Variants in RNFT2 observed in about 807,000 individuals in gnomAD.
RNFT2 encodes ring finger protein, transmembrane 2.
In RNFT2, 36 loss-of-function variants were observed where a neutral mutation model predicts 53.0. The observed-to-expected ratio is 0.68, with a 90% CI of 0.52 to 0.90. The LOEUF is 0.90. Among genes scored for constraint, RNFT2 ranks in the 40% least tolerant of loss-of-function variants. The pLI is 0.00. For missense variants in RNFT2, 514 were observed against 585.6 expected, an observed-to-expected ratio of 0.88 and a Z score of 1.26; for synonymous variants, 260 against 253.2, an observed-to-expected ratio of 1.03 and a Z score of -0.26.
rs1305960397 is a variant in RNFT2, at chr12:116,852,871, G to A, written c.*3423G>A. The A allele has an allele frequency of 2.1e-5, 14 of 674,392 alleles. No homozygotes were observed. The highest frequency in any genetic ancestry group is 3.3e-5 in the Non-Finnish European group (13 of 393,982). 41.8% of individuals were successfully genotyped at this position (674,392 alleles called of 1,614,324 possible). ...AGGAAACTAACAATGTAGGTTACTA[G>A]TGAATACCCCAATGGTTTCTCCAAT... On this transcript the variant is annotated 3_prime_UTR_variant, in exon 11 of 11. Coordinates refer to ENST00000257575, the MANE Select transcript of RNFT2 (RefSeq NM_001382266.1).
intron 3 of RNFT2, among the ~76,000 whole-genome samples, chr12:116,744,710 A>G (rs1871815027): frequency 6.6e-6 from 1 of 152,170 alleles, no homozygotes; most frequent in Non-Finnish European, 1.5e-5. Flanking sequence ...CCTAAGGAAT[A>G]TTCTTTCCCA....
rs571222876 is a variant in RNFT2 at position 116,741,573 on chromosome 12, C to T, written c.83+479C>T. ...TCTCTCTGGGTCTCCTTTTTAAGGG[C>T]ACTAATCCCATTCGTGAAGAGCCCA... is the stretch of plus-strand genomic sequence containing the variant. On this transcript the variant is annotated intron_variant, in intron 3 of 10. Coordinates refer to ENST00000257575, the MANE Select transcript of RNFT2 (RefSeq NM_001382266.1). Among the ~76,000 whole-genome samples, 4 of 152,260 alleles carry T rather than the reference C, an allele frequency of 2.6e-5. No homozygotes were observed. In the East Asian group the frequency reaches 7.7e-4, roughly 29 times the overall value.
intron 5 of RNFT2, among the ~76,000 whole-genome samples, chr12:116,764,631 C>G (rs917037002): frequency 1.3e-5 from 2 of 152,202 alleles, no homozygotes; most frequent in Non-Finnish European, 2.9e-5. Flanking sequence ...GTGGCTCACG[C>G]CTATAATCCC....
chr12:116,746,526 G>A, intron 3 of RNFT2, among the ~76,000 whole-genome samples: 1 of 152,194 alleles, frequency 6.6e-6, no homozygotes, highest in Admixed American at 6.5e-5. Flanking sequence ...CTCAATCCAG[G>A]GAGGGAGATT....
At chr12:116,799,436 T>C (rs1053650382) in intron 7 of RNFT2, among the ~76,000 whole-genome samples, 2 of 152,232 alleles carry the variant, frequency 1.3e-5, no homozygotes, top group African/African-American at 4.8e-5. Flanking sequence ...TGTAATATGA[T>C]CTAGATGTGA....
intron 7 of RNFT2, among the ~76,000 whole-genome samples, chr12:116,797,932 C>T (rs1177734018): frequency 2.6e-5 from 4 of 152,110 alleles, no homozygotes; most frequent in African/African-American, 9.7e-5. Context: ...TTTGCCATGG[C>T]AATGGTAAAC....
chr12:116,853,283 A>G lies in RNFT2; in HGVS notation c.*3835A>G, dbSNP rs1230478892. The G allele has an allele frequency of 2.5e-6, 1 of 398,458 alleles. No individual in the cohort carries two copies. The highest frequency in any genetic ancestry group is 4.4e-6 in the Non-Finnish European group (1 of 226,092). The allele number at this position is 398,458 out of a possible 1,614,324, so 24.7% of individuals were successfully genotyped here. ...GTAGGGTTAATCGAGTATCAGGTTC[A>G]CAGTATCCTGCCCTTATTATTTTAT... On this transcript the variant is annotated 3_prime_UTR_variant, in exon 11 of 11. Coordinates refer to ENST00000257575, the MANE Select transcript of RNFT2 (RefSeq NM_001382266.1).
intron 7 of RNFT2, among the ~76,000 whole-genome samples, chr12:116,794,749 G>C (rs932484616): frequency 6.6e-6 from 1 of 150,684 alleles, no homozygotes; most frequent in African/African-American, 2.5e-5. Flanking sequence ...AGATCCCAGA[G>C]CTATGCTGTC....
rs10579273 is a variant in RNFT2 at position 116,788,955 on chromosome 12, GGGATGGATGGATGGAT to G, written c.882+9622_882+9637del. On this transcript the variant is annotated intron_variant, in intron 7 of 10. Transcript: ENST00000257575. ...GGATGGATAGATAAATGGGAGGAGA[GGGATGGATGGATGGAT>G]GGATGGATGGATGGGTAGATAAATG... Among the ~76,000 whole-genome samples, 73 of 138,006 alleles carry G rather than the reference GGGATGGATGGATGGAT, an allele frequency of 5.3e-4. No individual in the cohort carries two copies. In the East Asian group the frequency reaches 0.012, roughly 24 times the overall value. 90.5% of individuals were successfully genotyped at this position (138,006 alleles called of 152,430 possible).
intron 7 of RNFT2, among the ~76,000 whole-genome samples, chr12:116,788,358 C>T (rs1566081460): frequency 6.6e-6 from 1 of 152,206 alleles, no homozygotes; most frequent in Non-Finnish European, 1.5e-5. Flanking sequence ...CTACAATCTT[C>T]TAGAGTGGGC....
At chr12:116,834,199 A>G (rs1256029602) in intron 8 of RNFT2, among the ~76,000 whole-genome samples, 1 of 151,886 alleles carries the variant, frequency 6.6e-6, no homozygotes, top group Non-Finnish European at 1.5e-5. Flanking sequence ...GCTCACTGCA[A>G]CCTCCACTCC....
At chr12:116,795,062 A>G (rs778756445) in intron 7 of RNFT2, among the ~76,000 whole-genome samples, 2 of 152,094 alleles carry the variant, frequency 1.3e-5, no homozygotes, top group East Asian at 3.8e-4. Flanking sequence ...TCCTACTTCT[A>G]TAATACTAAT....
chr12:116,803,653 G>C (rs1188308901), intron 7 of RNFT2, among the ~76,000 whole-genome samples: 1 of 152,180 alleles, frequency 6.6e-6, no homozygotes, highest in Non-Finnish European at 1.5e-5. Flanking sequence ...AAGGTGCTCT[G>C]CTCCAGGCAG....
intron 7 of RNFT2, among the ~76,000 whole-genome samples, chr12:116,784,004 C>T (rs1873821672): frequency 6.6e-6 from 1 of 152,216 alleles, no homozygotes. Context: ...CCCATTTTCA[C>T]AGATGTAGAA....
intron 5 of RNFT2, among the ~76,000 whole-genome samples, chr12:116,766,245 G>A (rs2137098174): frequency 6.6e-6 from 1 of 151,974 alleles, no homozygotes; most frequent in East Asian, 1.9e-4. Flanking sequence ...TCACACTACT[G>A]TACTCCAGCC....
chr12:116,827,151 C>T (rs961487219), intron 7 of RNFT2, among the ~76,000 whole-genome samples: 7 of 148,304 alleles, frequency 4.7e-5, no homozygotes, highest in African/African-American at 1.3e-4. Flanking sequence ...ATCCAGGAGG[C>T]GGAGGCTGCA....
chr12:116,750,376 G>A, intron 4 of RNFT2, 69 bp downstream of exon 4: 2 of 1,457,450 alleles, frequency 1.4e-6, no homozygotes, highest in East Asian at 2.5e-5. Context: ...CCGGTGGGGT[G>A]GGGGCTCCTC....
rs1555211099 is a variant in RNFT2 at position 116,850,620 on chromosome 12, C to CTTTTTTTTTTT, written c.*1179_*1189dup. On this transcript the variant is annotated 3_prime_UTR_variant, in exon 11 of 11. Coordinates refer to ENST00000257575, the MANE Select transcript of RNFT2 (RefSeq NM_001382266.1). Reference sequence around the variant, plus strand: ...TGTGAAGTATTTTTTCTTTTCTTTTCTTTTTTTTTTTTTTTTTGTTGTTGT... The same window carrying CTTTTTTTTTTT: ...TGTGAAGTATTTTTTCTTTTCTTTTCTTTTTTTTTTTTTTTTTTTTTTTTTTTTGTTGTTGT... 7.6e-6 allele frequency: 1 copy of CTTTTTTTTTTT among 131,018 alleles called. No individual in the cohort carries two copies. Among genetic ancestry groups the CTTTTTTTTTTT allele is most frequent in the African/African-American group, 3.0e-5 (1 of 33,726 alleles). The allele number at this position is 131,018 out of a possible 1,614,324, so 8.1% of individuals were successfully genotyped here.
chr12:116,844,700 A>T (rs957801477), intron 10 of RNFT2, among the ~76,000 whole-genome samples: 6 of 152,222 alleles, frequency 3.9e-5, no homozygotes, highest in African/African-American at 1.4e-4. Flanking sequence ...AGAACTATTA[A>T]ATTAGAAGTG....
Sources: gnomAD v4.1 joint callset for allele counts (sites outside exome capture counted in the v4.1 genomes callset) on GRCh38, gnomAD v4.1.1 for gene constraint, MANE v1.5 for transcripts, NCBI Gene and HGNC (gene_info 2026-07-23, HGNC 2026-07-21) for gene names.